Variants in ROR2 observed in about 807,000 individuals in gnomAD.
ROR2 encodes the protein ROR family WNT receptor 2.
In ROR2, 33 loss-of-function variants were observed where a neutral mutation model predicts 74.9. The ratio of observed to expected loss-of-function variants is 0.44; its 90% CI spans 0.33 to 0.59. The LOEUF (loss-of-function observed/expected upper bound fraction) is 0.59, where lower values mean the gene tolerates loss of function less well. Among genes scored for constraint, ROR2 ranks in the 20% least tolerant of loss-of-function variants. ROR2 has a pLI of 0.02. For synonymous variants in ROR2, 586 were observed against 558.7 expected, an observed-to-expected ratio of 1.05 and a Z score of -0.69; for missense variants, 1,216 against 1,313.8, an observed-to-expected ratio of 0.93 and a Z score of 1.15.
chr9:91,845,279 T>C (rs1444518595), intron 1 of ROR2, among the ~76,000 whole-genome samples: 1 of 152,112 alleles, frequency 6.6e-6, no homozygotes, highest in Non-Finnish European at 1.5e-5. Flanking sequence ...CCTGACCACC[T>C]GGTAAGTCTC....
At chr9:91,772,896 T>C (rs1826283339) in intron 2 of ROR2, among the ~76,000 whole-genome samples, 1 of 152,194 alleles carries the variant, frequency 6.6e-6, no homozygotes, top group South Asian at 2.1e-4. Context: ...ACTGAGAGAA[T>C]CCTACCTTAG....
intron 2 of ROR2, among the ~76,000 whole-genome samples, chr9:91,759,638 G>T (rs971019281): frequency 3.9e-5 from 6 of 152,156 alleles, no homozygotes; most frequent in Non-Finnish European, 8.8e-5. Flanking sequence ...ATGTGAAGTG[G>T]TGGTTTTGAT....
chr9:91,844,089 T>A (rs941723553), intron 1 of ROR2, among the ~76,000 whole-genome samples: 2 of 152,206 alleles, frequency 1.3e-5, no homozygotes, highest in African/African-American at 2.4e-5. Context: ...AACGCGGAGC[T>A]GCACACGTTT....
chr9:91,775,626 G>C, intron 2 of ROR2, 115 bp downstream of exon 2: 1 of 904,742 alleles, frequency 1.1e-6, no homozygotes, highest in South Asian at 1.4e-5. Context: ...ACCACCAGGG[G>C]GCACCAAGGG....
At chr9:91,816,570 C>G (rs1375717415) in intron 1 of ROR2, among the ~76,000 whole-genome samples, 1 of 152,160 alleles carries the variant, frequency 6.6e-6, no homozygotes, top group Admixed American at 6.5e-5. Context: ...CCACCTCCCC[C>G]CGCCAGGCTT....
chr9:91,839,845 G>T (rs1276249785), intron 1 of ROR2, among the ~76,000 whole-genome samples: 2 of 151,976 alleles, frequency 1.3e-5, no homozygotes, highest in Non-Finnish European at 1.5e-5. Flanking sequence ...ACTCCTGAGG[G>T]TGATCTGTTT....
At chr9:91,742,169 G>A (rs542238731) in intron 4 of ROR2, among the ~76,000 whole-genome samples, 44 of 152,288 alleles carry the variant, frequency 2.9e-4, no homozygotes, top group African/African-American at 1.0e-3. Flanking sequence ...GAAAAATGAG[G>A]AAGAAGCAAA....
At chr9:91,782,499 T>C (rs1415854784) in intron 1 of ROR2, among the ~76,000 whole-genome samples, 1 of 151,250 alleles carries the variant, frequency 6.6e-6, no homozygotes, top group Non-Finnish European at 1.5e-5. Context: ...GTGTCCAATC[T>C]TTTGGCTTCC....
intron 1 of ROR2, among the ~76,000 whole-genome samples, chr9:91,789,079 G>T (rs1287879541): frequency 1.3e-5 from 2 of 152,070 alleles, no homozygotes. Context: ...TATACTTCAC[G>T]ATAGCTAGAA....
chr9:91,838,430 G>A (rs1291283911), intron 1 of ROR2, among the ~76,000 whole-genome samples: 1 of 152,122 alleles, frequency 6.6e-6, no homozygotes, highest in Non-Finnish European at 1.5e-5. Flanking sequence ...AAACATTCCT[G>A]ACTCACCAGT....
chr9:91,910,808 C>T (rs1199722968), intron 1 of ROR2, among the ~76,000 whole-genome samples: 1 of 152,022 alleles, frequency 6.6e-6, no homozygotes, highest in Non-Finnish European at 1.5e-5. Context: ...AGATTAGAGG[C>T]GTGTACCACC....
intron 8 of ROR2, among the ~76,000 whole-genome samples, chr9:91,725,656 G>C (rs1837001825): frequency 6.6e-6 from 1 of 152,146 alleles, no homozygotes; most frequent in African/African-American, 2.4e-5. Context: ...CCTGTCCATG[G>C]GCCTCTTGAC....
intron 1 of ROR2, among the ~76,000 whole-genome samples, chr9:91,937,141 A>G (rs2118014490): frequency 6.6e-6 from 1 of 152,136 alleles, no homozygotes; most frequent in African/African-American, 2.4e-5. Flanking sequence ...TCAAGAGCTC[A>G]CAGTGCAAAC....
chr9:91,765,416 C>A (rs1826030647), intron 2 of ROR2, among the ~76,000 whole-genome samples: 1 of 152,202 alleles, frequency 6.6e-6, no homozygotes, highest in Admixed American at 6.5e-5. Flanking sequence ...TGGGCCTCGA[C>A]AAGTGTGCTG....
At chr9:91,892,726 A>G (rs1319407553) in intron 1 of ROR2, among the ~76,000 whole-genome samples, 1 of 151,128 alleles carries the variant, frequency 6.6e-6, no homozygotes, top group Non-Finnish European at 1.5e-5. Context: ...AGTAGCTGGG[A>G]CTACAGGTGC....
At chr9:91,757,183 G>A in intron 3 of ROR2, 89 bp downstream of exon 3, 1 of 1,535,458 alleles carries the variant, frequency 6.5e-7, no homozygotes, top group Non-Finnish European at 9.0e-7. Flanking sequence ...ACTGGTGTGT[G>A]TTCAGTTTCA....
rs201241207 is a variant in ROR2 at position 91,724,748 on chromosome 9, C to T, written c.1746G>A (p.Thr582=). 66 of 1,614,054 alleles carry T rather than the reference C, an allele frequency of 4.1e-5. No homozygotes were observed. In the Admixed American group the frequency reaches 5.5e-4, roughly 13 times the overall value. The part of the protein sequence containing the change: ...SDVGSTDDDR[T]VKSALEPPDF... ...CGGGGGGCTCCAGGGCGGACTTCAC[C>T]GTGCGGTCATCATCGGTGCTGCCCA... Residue 582 remains threonine (T), a synonymous_variant, in exon 9 of 9, where the codon ACG becomes ACA. Coordinates refer to ENST00000375708, the MANE Select transcript of ROR2 (RefSeq NM_004560.4).
At chr9:91,833,054 T>C (rs1023948571) in intron 1 of ROR2, among the ~76,000 whole-genome samples, 1 of 152,082 alleles carries the variant, frequency 6.6e-6, no homozygotes. Context: ...TGGGCTCCCC[T>C]AAGCCCTGCA....
At chr9:91,888,041 C>T (rs999095521) in intron 1 of ROR2, among the ~76,000 whole-genome samples, 2 of 152,094 alleles carry the variant, frequency 1.3e-5, no homozygotes, top group Non-Finnish European at 2.9e-5. Context: ...CTGCCCGCCT[C>T]GGCCTCCCAA....
Sources: gnomAD v4.1 joint callset for allele counts (sites outside exome capture counted in the v4.1 genomes callset) on GRCh38, gnomAD v4.1.1 for gene constraint, MANE v1.5 for transcripts, NCBI Gene and HGNC (gene_info 2026-07-23, HGNC 2026-07-21) for gene names.